FBXO25: variants seen among roughly 807,000 people sequenced by gnomAD.
The protein encoded by FBXO25 is F-box only protein 25.
Under a neutral mutation model 51.9 loss-of-function variants are expected in FBXO25, and 45 were observed. That is an observed-to-expected ratio of 0.87 (90% CI 0.68 to 1.11). FBXO25 has a LOEUF of 1.11. Ranked by LOEUF, FBXO25 falls within the 50% of genes most tolerant of loss-of-function variation. The pLI, the probability that FBXO25 is intolerant of heterozygous loss-of-function variation, is 0.00. For missense variants in FBXO25, 507 were observed against 428.5 expected (o/e 1.18, Z -1.62); for synonymous variants, 199 against 151.0 (o/e 1.32, Z -2.33).
intron 9 of FBXO25, among the ~76,000 whole-genome samples, chr8:466,344 C>A (rs1297363857): frequency 1.3e-5 from 2 of 152,114 alleles, no homozygotes; most frequent in African/African-American, 4.8e-5. Context: ...GCTGCCCCTC[C>A]TAGGGTCTTG....
At position 474,154 on chromosome 8, in the gene FBXO25, G is replaced by C. The variant is rs79501928; in HGVS notation, c.*5350G>C. 4.5e-5 allele frequency: 7 copies of C among 155,440 alleles called. No individual in the cohort carries two copies. The East Asian group carries it at 1.3e-3, about 29-fold the overall frequency. The allele number at this position is 155,440 out of a possible 1,614,324, so 9.6% of individuals were successfully genotyped here. ...CCCCTGGCAGCCTCTGTTCTCCTTT[G>C]TCTCTTTTAATTTGACTTCTGTAGG... On this transcript the variant is annotated 3_prime_UTR_variant, in exon 10 of 10. Coordinates refer to ENST00000350302, the MANE Select transcript of FBXO25 (RefSeq NM_183420.2).
In FBXO25 at chr8:471,593, A is replaced by AAGAT. The variant is rs769450333; in HGVS notation, c.*2793_*2796dup. Reference sequence around the variant, plus strand: ...GTGAAAGGCAATGCCAGACACTCTCAAGATAGAATCTCCAGTCATTCTCGG... The same window carrying AAGAT: ...GTGAAAGGCAATGCCAGACACTCTCAAGATAGATAGAATCTCCAGTCATTCTCGG... On this transcript the variant is annotated 3_prime_UTR_variant, in exon 10 of 10. Coordinates refer to ENST00000350302, the MANE Select transcript of FBXO25 (RefSeq NM_183420.2). 10 of 152,308 alleles carry AAGAT rather than the reference A, an allele frequency of 6.6e-5. No homozygotes were observed. The highest frequency in any genetic ancestry group is 3.4e-3 in the Middle Eastern group (1 of 294). The allele number at this position is 152,308 out of a possible 1,614,324, so 9.4% of individuals were successfully genotyped here. A position where few individuals can be genotyped will look rare whatever the true frequency, so the allele number is the denominator to read the frequency against.
At position 462,994 on chromosome 8, in the gene FBXO25, T is replaced by G. The variant is rs754659720; in HGVS notation, c.844-13T>G. 7 of 1,597,438 alleles carry G rather than the reference T, an allele frequency of 4.4e-6. No homozygotes were observed. In the African/African-American group the frequency reaches 9.4e-5, roughly 22 times the overall value. On this transcript the variant is annotated splice_polypyrimidine_tract_variant and intron_variant, in intron 8 of 9. Transcript: ENST00000350302. Reference sequence around the variant, plus strand: ...ATCTTATGCGGATTCTGAATGGAGTTTTGTTTGTTTAGTTTTGTAGACATT... The same window carrying G: ...ATCTTATGCGGATTCTGAATGGAGTGTTGTTTGTTTAGTTTTGTAGACATT...
chr8:412,988 A>G lies in FBXO25; in HGVS notation c.-7-85A>G, dbSNP rs1796573723. 25 of 1,066,056 alleles carry G rather than the reference A, an allele frequency of 2.3e-5. 1 individual carries two copies. Among genetic ancestry groups the G allele is most frequent in the Non-Finnish European group, 2.9e-5 (23 of 799,226 alleles). The allele number at this position is 1,066,056 out of a possible 1,614,324, so 66.0% of individuals were successfully genotyped here. ...AGACATTTAAATGTTAAGAACTTTA[A>G]TCTTTAAAATTAATAAATGTTCTAA... is the stretch of plus-strand genomic sequence containing the variant. On this transcript the variant is annotated intron_variant, in intron 1 of 9. Transcript: ENST00000350302.
chr8:423,149 T>C (rs938180910), intron 2 of FBXO25, among the ~76,000 whole-genome samples: 2 of 151,124 alleles, frequency 1.3e-5, no homozygotes, highest in African/African-American at 4.9e-5. Flanking sequence ...CAATTGGGAC[T>C]ACAGGGTTTT....
intron 2 of FBXO25, among the ~76,000 whole-genome samples, chr8:416,929 G>A (rs1796839771): frequency 6.6e-6 from 1 of 152,212 alleles, no homozygotes; most frequent in Non-Finnish European, 1.5e-5. Flanking sequence ...AAGGATGGGT[G>A]GTGGTAGAGG....
chr8:430,172 T>C (rs549013752), intron 2 of FBXO25, among the ~76,000 whole-genome samples: 29 of 152,386 alleles, frequency 1.9e-4, no homozygotes, highest in African/African-American at 6.0e-4. Flanking sequence ...TCCTTTGATA[T>C]GTTTGTAATT....
chr8:427,323 T>G (rs1238513584), intron 2 of FBXO25, among the ~76,000 whole-genome samples: 1 of 151,326 alleles, frequency 6.6e-6, no homozygotes, highest in African/African-American at 2.4e-5. Flanking sequence ...CAACTGTGTT[T>G]GAGGATTTGT....
Position 435,717 on chromosome 8 carries a change from C to G in FBXO25, c.381+10C>G. 9 of 1,565,996 alleles carry G rather than the reference C, an allele frequency of 5.7e-6. No individual in the cohort carries two copies. The highest frequency in any genetic ancestry group is 2.8e-5 in the African/African-American group (2 of 72,508). ...CAATTATGTGGTCAAAGTAAGTGTTCTATTTCAAAAACTACTTTGATGACT... is the reference window on the plus strand; with the variant it reads ...CAATTATGTGGTCAAAGTAAGTGTTGTATTTCAAAAACTACTTTGATGACT... On this transcript the variant is annotated intron_variant, in intron 5 of 9. Transcript: ENST00000350302.
rs2117421036 is a variant in FBXO25, at chr8:413,071, A to G, written c.-7-2A>G. ...TTTTAACATAATTTAACTTTTTCAT[A>G]GGAGAACTATGCCATTTTTGGGTCA... On this transcript the variant is annotated splice_acceptor_variant, in intron 1 of 9. Coordinates refer to ENST00000350302, the MANE Select transcript of FBXO25 (RefSeq NM_183420.2). LOFTEE classifies it low-confidence loss of function (5UTR_SPLICE). The G allele has an allele frequency of 1.3e-6, 2 of 1,492,660 alleles. No individual in the cohort carries two copies. Among genetic ancestry groups the G allele is most frequent in the East Asian group, 2.4e-5 (1 of 41,032 alleles). The allele number at this position is 1,492,660 out of a possible 1,614,324, so 92.5% of individuals were successfully genotyped here. A position where few individuals can be genotyped will look rare whatever the true frequency, so the allele number is the denominator to read the frequency against.
chr8:451,353 T>C lies in FBXO25; in HGVS notation c.560T>C (p.Val187Ala), dbSNP rs1324842690. The stretch of plus-strand genomic sequence containing the variant: ...ACCCTCTGCATTCTTATTAGAGGAG[T>C]AGGGAAGTCTGTATTAGTGGGAAAC... Reference protein sequence around the residue: ...SSTLCILIRGVGKSVLVGNIN... With the variant: ...SSTLCILIRGAGKSVLVGNIN... The change falls in exon 7 of 10, where the codon GTA becomes GCA. Residue 187 changes from valine (V) to alanine (A), a missense_variant. Val to Ala is a moderately conservative substitution (Grantham distance 64). Coordinates refer to ENST00000350302, the MANE Select transcript of FBXO25 (RefSeq NM_183420.2). The C allele has an allele frequency of 6.2e-7, 1 of 1,613,824 alleles. No individual in the cohort carries two copies. Among genetic ancestry groups the C allele is most frequent in the South Asian group, 1.1e-5 (1 of 91,064 alleles).
At chr8:448,955 A>G (rs1308950983) in intron 5 of FBXO25, among the ~76,000 whole-genome samples, 1 of 152,216 alleles carries the variant, frequency 6.6e-6, no homozygotes, top group Admixed American at 6.5e-5. Flanking sequence ...TCTAAATTTC[A>G]GAAGAACTAC....
At chr8:455,317 C>T (rs1184142190) in intron 7 of FBXO25, among the ~76,000 whole-genome samples, 1 of 152,162 alleles carries the variant, frequency 6.6e-6, no homozygotes. Context: ...GAAGTAAACC[C>T]TCATTGCATT....
chr8:438,146 C>T (rs1355733645), intron 5 of FBXO25, among the ~76,000 whole-genome samples: 1 of 151,780 alleles, frequency 6.6e-6, no homozygotes, highest in Non-Finnish European at 1.5e-5. Flanking sequence ...CCTCTGATTC[C>T]TGGGTTCCAG....
At chr8:426,032 C>T (rs2117557809) in intron 2 of FBXO25, among the ~76,000 whole-genome samples, 1 of 152,240 alleles carries the variant, frequency 6.6e-6, no homozygotes. Flanking sequence ...CATCTTCTGC[C>T]CGCCTCTACC....
rs1369777604 is a variant in FBXO25, at chr8:469,611, T to TA, written c.*808dup. On this transcript the variant is annotated 3_prime_UTR_variant, in exon 10 of 10. Transcript: ENST00000350302. ...AGTTTTGCATCCTACTGAGAAATGT[T>TA]AGTGATTTTGATACTTAAATCCTTA... The TA allele has an allele frequency of 6.6e-6, 1 of 152,236 alleles. No homozygotes were observed. The highest frequency in any genetic ancestry group is 1.5e-5 in the Non-Finnish European group (1 of 68,036). The allele number at this position is 152,236 out of a possible 1,614,324, so 9.4% of individuals were successfully genotyped here.
chr8:458,526 G>A lies in FBXO25; in HGVS notation c.818G>A (p.Cys273Tyr). 1 of 1,614,082 alleles carries A rather than the reference G, an allele frequency of 6.2e-7. No homozygotes were observed. The highest frequency in any genetic ancestry group is 8.5e-7 in the Non-Finnish European group (1 of 1,179,986). ...SEDRQLWKKL[C>Y]QYHFAEKQFC... Reference sequence around the variant, plus strand: ...GACAGACAGCTGTGGAAGAAGCTTTGTCAGTACCATTTTGCTGAAAAGCAG... The same window carrying A: ...GACAGACAGCTGTGGAAGAAGCTTTATCAGTACCATTTTGCTGAAAAGCAG... The change falls in exon 8 of 10, where the codon TGT becomes TAT. Residue 273 changes from cysteine (C) to tyrosine (Y), a missense_variant. Transcript: ENST00000350302.
intron 7 of FBXO25, among the ~76,000 whole-genome samples, chr8:455,807 C>T (rs762995196): frequency 3.9e-5 from 6 of 152,192 alleles, no homozygotes; most frequent in Non-Finnish European, 7.3e-5. Flanking sequence ...CAGCAAAAAA[C>T]GCAGCAGGAT....
chr8:476,788 C>CTA lies in FBXO25; in HGVS notation c.*7986_*7987dup, dbSNP rs1278415270. The stretch of plus-strand genomic sequence containing the variant: ...TTTTTCTCTATTGCTTTTCTGTTCT[C>CTA]TATTTTGTCTCTGCTCTAATCTTTA... On this transcript the variant is annotated 3_prime_UTR_variant, in exon 10 of 10. Coordinates refer to ENST00000350302, the MANE Select transcript of FBXO25 (RefSeq NM_183420.2). 1 of 151,378 alleles carries CTA rather than the reference C, an allele frequency of 6.6e-6. No individual in the cohort carries two copies. Among genetic ancestry groups the CTA allele is most frequent in the Admixed American group, 6.6e-5 (1 of 15,204 alleles). 9.4% of individuals were successfully genotyped at this position (151,378 alleles called of 1,614,324 possible). A position where few individuals can be genotyped will look rare whatever the true frequency, so the allele number is the denominator to read the frequency against.
Sources: gnomAD v4.1 joint callset for allele counts (sites outside exome capture counted in the v4.1 genomes callset) on GRCh38, gnomAD v4.1.1 for gene constraint, MANE v1.5 for transcripts, NCBI Gene and HGNC (gene_info 2026-07-23, HGNC 2026-07-21) for gene names.